Variants in REC114 observed in about 807,000 individuals in gnomAD.
REC114 encodes the protein REC114 meiotic recombination protein.
Under a neutral mutation model 31.3 loss-of-function variants are expected in REC114, and 27 were observed. The observed-to-expected ratio is 0.86, with a 90% confidence interval of 0.64 to 1.19. The LOEUF (loss-of-function observed/expected upper bound fraction) is 1.19, where lower values mean the gene tolerates loss of function less well. Among genes scored for constraint, REC114 ranks in the 50% most tolerant of loss-of-function variants. REC114 has a pLI of 0.00. For synonymous variants in REC114, 134 were observed against 127.7 expected (o/e 1.05, Z -0.33); for missense variants, 344 against 326.9 (o/e 1.05, Z -0.40).
chr15:73,514,014 C>T (rs906452376), intron 2 of REC114, among the ~76,000 whole-genome samples: 1 of 152,098 alleles, frequency 6.6e-6, no homozygotes, highest in Non-Finnish European at 1.5e-5. Flanking sequence ...CTAAGCAAGC[C>T]TGGGCAATGG....
At chr15:73,444,706 A>G (rs183826433) in intron 1 of REC114, among the ~76,000 whole-genome samples, 3 of 152,322 alleles carry the variant, frequency 2.0e-5, no homozygotes, top group East Asian at 1.9e-4. Context: ...ATGAATCACA[A>G]ATGTTCTTAA....
intron 5 of REC114, 80 bp downstream of exon 5, chr15:73,556,471 T>C: frequency 8.3e-7 from 1 of 1,201,156 alleles, no homozygotes; most frequent in Non-Finnish European, 1.2e-6. Flanking sequence ...TGTTCAATTC[T>C]TTGTTTTAGG....
chr15:73,503,278 C>T (rs1398548512), intron 2 of REC114, among the ~76,000 whole-genome samples: 2 of 152,106 alleles, frequency 1.3e-5, no homozygotes, highest in African/African-American at 2.4e-5. Flanking sequence ...TCATACGTTC[C>T]CCAGTGTTTC....
chr15:73,535,256 G>T (rs1894139284), intron 2 of REC114, among the ~76,000 whole-genome samples: 1 of 150,810 alleles, frequency 6.6e-6, no homozygotes, highest in African/African-American at 2.5e-5. Context: ...GTTTGCAGAC[G>T]ACGTGATTGT....
At chr15:73,458,336 C>T (rs1490145652) in intron 1 of REC114, among the ~76,000 whole-genome samples, 2 of 152,136 alleles carry the variant, frequency 1.3e-5, no homozygotes, top group African/African-American at 4.8e-5. Context: ...AGTGGAAGAA[C>T]GAATTCTAAA....
At chr15:73,519,318 A>C (rs1018090334) in intron 2 of REC114, among the ~76,000 whole-genome samples, 1 of 152,148 alleles carries the variant, frequency 6.6e-6, no homozygotes. Context: ...ACGATGAGAA[A>C]ATGTCATCTT....
At chr15:73,461,922 CTTTTTTT>C (rs961387922) in intron 1 of REC114, among the ~76,000 whole-genome samples, 58 of 78,208 alleles carry the variant, frequency 7.4e-4, no homozygotes, top group African/African-American at 1.0e-3. Context: ...TTTTTCTTTT[CTTTTTTT>C]TTTTTTTTTT....
At chr15:73,556,413 A>C (rs1273385196) in intron 5 of REC114, 22 bp downstream of exon 5, 1 of 1,597,132 alleles carries the variant, frequency 6.3e-7, no homozygotes, top group East Asian at 2.2e-5. Context: ...TTCTGTGTTC[A>C]ATTTTCTTGT....
chr15:73,514,138 G>C (rs1413897380), intron 2 of REC114, among the ~76,000 whole-genome samples: 2 of 151,504 alleles, frequency 1.3e-5, no homozygotes, highest in African/African-American at 4.9e-5. Context: ...GTGGGATATA[G>C]TCTCGTGGTG....
intron 2 of REC114, among the ~76,000 whole-genome samples, chr15:73,475,315 G>A (rs1306259461): frequency 6.6e-6 from 1 of 152,140 alleles, no homozygotes; most frequent in Non-Finnish European, 1.5e-5. Context: ...AGAAATGTAA[G>A]GATAACTCTG....
intron 2 of REC114, among the ~76,000 whole-genome samples, chr15:73,498,283 C>T (rs563530125): frequency 1.1e-4 from 16 of 152,066 alleles, no homozygotes; most frequent in Admixed American, 3.9e-4. Context: ...ATCCACTGCC[C>T]GAGATCATTT....
At chr15:73,470,812 G>T (rs1209821456) in intron 1 of REC114, among the ~76,000 whole-genome samples, 1 of 152,148 alleles carries the variant, frequency 6.6e-6, no homozygotes, top group Non-Finnish European at 1.5e-5. Flanking sequence ...TGATATTTAA[G>T]CTAAGGTTTG....
chr15:73,546,789 G>C (rs557915906), intron 3 of REC114, among the ~76,000 whole-genome samples: 1 of 148,542 alleles, frequency 6.7e-6, no homozygotes, highest in African/African-American at 2.5e-5. Context: ...ACTCCAGCCT[G>C]GGCAACAAGA....
At chr15:73,558,785 A>G (rs917961260) in intron 5 of REC114, among the ~76,000 whole-genome samples, 11 of 152,228 alleles carry the variant, frequency 7.2e-5, no homozygotes, top group Admixed American at 2.0e-4. Context: ...CACTCACCAC[A>G]TGACTCAATC....
chr15:73,534,461 T>C (rs1387590711), intron 2 of REC114, among the ~76,000 whole-genome samples: 2 of 151,866 alleles, frequency 1.3e-5, no homozygotes, highest in African/African-American at 4.8e-5. Flanking sequence ...ACACATACAC[T>C]CTCCCAAGAC....
At chr15:73,470,437 A>G (rs907940264) in intron 1 of REC114, among the ~76,000 whole-genome samples, 17 of 152,158 alleles carry the variant, frequency 1.1e-4, no homozygotes, top group Non-Finnish European at 2.1e-4. Context: ...TTCAGTGCAG[A>G]TCTGCTGGTG....
intron 2 of REC114, among the ~76,000 whole-genome samples, chr15:73,527,088 A>G (rs933315894): frequency 3.3e-5 from 5 of 152,080 alleles, no homozygotes; most frequent in Non-Finnish European, 7.4e-5. Context: ...CTGGGACCAT[A>G]GGTGTAAGCT....
intron 2 of REC114, among the ~76,000 whole-genome samples, chr15:73,491,314 GTATA>G (rs1251443574): frequency 0.02 from 160 of 7,810 alleles, no homozygotes; most frequent in Middle Eastern, 0.071. Flanking sequence ...ATTTCTTTTT[GTATA>G]TATAAGTATT....
chr15:73,460,748 T>C (rs1892979064), intron 1 of REC114, among the ~76,000 whole-genome samples: 1 of 152,094 alleles, frequency 6.6e-6, no homozygotes, highest in Admixed American at 6.5e-5. Flanking sequence ...GTGGGAGAAA[T>C]GTTGTGGGAG....
Sources: allele counts gnomAD v4.1 joint callset (sites outside exome capture counted in the v4.1 genomes callset), GRCh38; gene constraint gnomAD v4.1.1; transcripts MANE v1.5; gene names NCBI Gene and HGNC (gene_info 2026-07-23, HGNC 2026-07-21).